Variants in PDE4D observed in about 807,000 individuals in gnomAD.
The protein encoded by PDE4D is phosphodiesterase 4D, also known as 3',5'-cyclic-AMP phosphodiesterase 4D.
Under a neutral mutation model 87.4 loss-of-function variants are expected in PDE4D, and 24 were observed. That is an observed-to-expected ratio of 0.27 (90% confidence interval 0.20 to 0.39). The LOEUF (loss-of-function observed/expected upper bound fraction) is 0.39. PDE4D is among the 10% of genes least tolerant of loss of function. The pLI, the probability that PDE4D is intolerant of heterozygous loss-of-function variation, is 1.00. For synonymous variants in PDE4D, 384 were observed against 383.2 expected (o/e 1.00, Z -0.02); for missense variants, 714 against 1,041.0 (o/e 0.69, Z 4.32).
At chr5:60,118,634 G>A (rs534240723) in intron 2 of PDE4D, among the ~76,000 whole-genome samples, 7 of 150,482 alleles carry the variant, frequency 4.7e-5, no homozygotes, top group Non-Finnish European at 8.9e-5. Flanking sequence ...AATAAAACAT[G>A]TGGGCTCAAA....
At chr5:60,147,000 C>A (rs984157469) in intron 2 of PDE4D, among the ~76,000 whole-genome samples, 10 of 151,952 alleles carry the variant, frequency 6.6e-5, no homozygotes, top group Admixed American at 2.6e-4. Flanking sequence ...AAGAGGGAAC[C>A]CTTGTACCCT....
chr5:59,989,115 T>TATATATAC (rs1457167328), intron 2 of PDE4D, among the ~76,000 whole-genome samples: 24 of 73,984 alleles, frequency 3.2e-4, no homozygotes, highest in African/African-American at 8.1e-4. Context: ...TATATATATA[T>TATATATAC]ACACACACAC....
chr5:59,446,948 A>C (rs1798438806), intron 1 of PDE4D, among the ~76,000 whole-genome samples: 1 of 152,220 alleles, frequency 6.6e-6, no homozygotes, highest in African/African-American at 2.4e-5. Context: ...ATAATGAAAA[A>C]TAGTTATCGC....
At chr5:59,257,619 G>A (rs114740786) in intron 1 of PDE4D, among the ~76,000 whole-genome samples, 5 of 152,056 alleles carry the variant, frequency 3.3e-5, no homozygotes, top group African/African-American at 9.6e-5. Context: ...GCTCAGAGAG[G>A]CATTAGAACA....
intron 1 of PDE4D, among the ~76,000 whole-genome samples, chr5:60,365,753 G>A (rs1276552140): frequency 6.6e-6 from 1 of 152,110 alleles, no homozygotes; most frequent in African/African-American, 2.4e-5. Context: ...CTAAGAATCT[G>A]GCCATTTCGG....
chr5:59,243,253 CT>C (rs1758044840), intron 1 of PDE4D, among the ~76,000 whole-genome samples: 1 of 152,028 alleles, frequency 6.6e-6, no homozygotes, highest in South Asian at 2.1e-4. Context: ...GATATAACTG[CT>C]TTTGACCAGC....
intron 1 of PDE4D, among the ~76,000 whole-genome samples, chr5:60,347,135 G>T (rs975198883): frequency 2.0e-5 from 3 of 152,094 alleles, no homozygotes; most frequent in Admixed American, 2.0e-4. Context: ...TCAGTAGGGT[G>T]GACAGGGTAG....
chr5:60,056,395 G>A (rs1770781854), intron 2 of PDE4D, among the ~76,000 whole-genome samples: 1 of 151,988 alleles, frequency 6.6e-6, no homozygotes, highest in African/African-American at 2.4e-5. Flanking sequence ...AAGACGGGAA[G>A]CAGCAGTAGC....
chr5:60,336,068 G>A (rs1757728535), intron 1 of PDE4D, among the ~76,000 whole-genome samples: 1 of 152,152 alleles, frequency 6.6e-6, no homozygotes, highest in South Asian at 2.1e-4. Context: ...AAGAATTCCA[G>A]ACACAACTGC....
intron 11 of PDE4D, 26 bp downstream of exon 11, chr5:58,988,467 G>T: frequency 1.0e-6 from 1 of 991,910 alleles, no homozygotes; most frequent in Non-Finnish European, 1.5e-6. Context: ...GGAAAAATGT[G>T]TTCTGAAAAA....
chr5:59,215,052 T>C (rs943649250), intron 2 of PDE4D, among the ~76,000 whole-genome samples: 12 of 152,174 alleles, frequency 7.9e-5, no homozygotes, highest in Non-Finnish European at 1.5e-4. Flanking sequence ...CGAATGATAG[T>C]ATAGGTATTG....
At chr5:60,331,496 T>C (rs186798135) in intron 1 of PDE4D, among the ~76,000 whole-genome samples, 26 of 152,368 alleles carry the variant, frequency 1.7e-4, no homozygotes, top group Admixed American at 7.8e-4. Context: ...TTCTCATTCA[T>C]TCACATTCCC....
Position 60,050,769 on chromosome 5 carries a change from T to A in PDE4D, c.43-62052A>T, listed in dbSNP as rs144921747. 7.5e-3 allele frequency among the ~76,000 whole-genome samples: 1,140 copies of A among 152,278 alleles called. 12 individuals are homozygous for A. The highest frequency in any genetic ancestry group is 0.026 in the African/African-American group (1,084 of 41,554). ...TTGGATAAAGAGGCAAGATCCATTG[T>A]TGTGCTGTATTCAGGAGACCAATCT... On this transcript the variant is annotated intron_variant, in intron 2 of 16. Transcript: ENST00000502484.
chr5:59,192,186 T>C (rs1330940329), intron 3 of PDE4D, among the ~76,000 whole-genome samples: 2 of 152,212 alleles, frequency 1.3e-5, no homozygotes, highest in African/African-American at 4.8e-5. Context: ...AGTAGAACTA[T>C]ACATAATCCT....
At chr5:58,990,027 T>C (rs1463516776) in intron 9 of PDE4D, 108 bp from the exon 10 acceptor site, 5 of 672,746 alleles carry the variant, frequency 7.4e-6, no homozygotes, top group Non-Finnish European at 1.3e-5. Flanking sequence ...GTGGATAACC[T>C]GGAAATGGCA....
intron 1 of PDE4D, among the ~76,000 whole-genome samples, chr5:59,616,441 C>T (rs1395018663): frequency 6.6e-6 from 1 of 152,038 alleles, no homozygotes; most frequent in East Asian, 1.9e-4. Context: ...TTGATGTGGT[C>T]AGATCTATGA....
chr5:59,259,996 A>C (rs776512736), intron 1 of PDE4D, among the ~76,000 whole-genome samples: 1 of 151,914 alleles, frequency 6.6e-6, no homozygotes, highest in Non-Finnish European at 1.5e-5. Flanking sequence ...AAAACTTTAT[A>C]GGATTTCACA....
intron 1 of PDE4D, among the ~76,000 whole-genome samples, chr5:59,453,303 G>C (rs1480205364): frequency 2.0e-5 from 3 of 152,032 alleles, no homozygotes; most frequent in Non-Finnish European, 4.4e-5. Context: ...ATTGAGATTA[G>C]GTCAATTAAT....
chr5:60,508,067 C>T (rs754092423), intron 1 of PDE4D, among the ~76,000 whole-genome samples: 43 of 152,212 alleles, frequency 2.8e-4, no homozygotes, highest in Non-Finnish European at 5.3e-4. Flanking sequence ...TGCTCAGGTC[C>T]TTGTCACATA....
Sources: gnomAD v4.1 joint callset for allele counts (sites outside exome capture counted in the v4.1 genomes callset) on GRCh38, gnomAD v4.1.1 for gene constraint, MANE v1.5 for transcripts, NCBI Gene and HGNC (gene_info 2026-07-23, HGNC 2026-07-21) for gene names.